Variants in NAALADL2 observed in about 807,000 individuals in gnomAD.
The protein encoded by NAALADL2 is inactive N-acetylated-alpha-linked acidic dipeptidase-like protein 2.
In NAALADL2, 76 loss-of-function variants were observed where a neutral mutation model predicts 87.2. That is an observed-to-expected ratio of 0.87 (90% CI 0.72 to 1.05). The LOEUF is 1.05. Among genes scored for constraint, NAALADL2 ranks in the 50% least tolerant of loss-of-function variants. The pLI, the probability that NAALADL2 is intolerant of heterozygous loss-of-function variation, is 0.00. For missense variants in NAALADL2, 1,089 were observed against 945.8 expected, an observed-to-expected ratio of 1.15 and a Z score of -1.99; for synonymous variants, 354 against 331.0, an observed-to-expected ratio of 1.07 and a Z score of -0.75.
intron 1 of NAALADL2, among the ~76,000 whole-genome samples, chr3:175,031,477 C>A (rs146559740): frequency 1.3e-5 from 2 of 152,182 alleles, no homozygotes; most frequent in Non-Finnish European, 2.9e-5. Flanking sequence ...GCGTAGTATT[C>A]CATGGTGTAT....
intron 5 of NAALADL2, among the ~76,000 whole-genome samples, chr3:175,330,044 G>A (rs1316487143): frequency 6.6e-6 from 1 of 151,910 alleles, no homozygotes; most frequent in Non-Finnish European, 1.5e-5. Context: ...TGTATTGGAA[G>A]CACTCTACTT....
chr3:174,953,888 A>G (rs974784312), intron 1 of NAALADL2, among the ~76,000 whole-genome samples: 3 of 152,160 alleles, frequency 2.0e-5, no homozygotes, highest in African/African-American at 7.2e-5. Flanking sequence ...AACACACATG[A>G]CATACACTCC....
At chr3:175,326,905 G>T (rs1037074899) in intron 5 of NAALADL2, among the ~76,000 whole-genome samples, 3 of 152,082 alleles carry the variant, frequency 2.0e-5, no homozygotes, top group African/African-American at 7.2e-5. Context: ...CATGAGCTGT[G>T]GGGTACACAT....
chr3:175,138,622 ATTG>A (rs1348776362), intron 2 of NAALADL2, among the ~76,000 whole-genome samples: 2 of 148,656 alleles, frequency 1.3e-5, no homozygotes, highest in African/African-American at 4.9e-5. Flanking sequence ...TATTATTATT[ATTG>A]TTATTATTAT....
At chr3:174,576,986 A>T (rs753068700) in intron 2 of NAALADL2, among the ~76,000 whole-genome samples, 1 of 152,098 alleles carries the variant, frequency 6.6e-6, no homozygotes, top group African/African-American at 2.4e-5. Context: ...TAAACGAGAG[A>T]TATTTTCAAT....
chr3:174,674,700 TA>T (rs1220428860), intron 2 of NAALADL2, among the ~76,000 whole-genome samples: 1 of 152,088 alleles, frequency 6.6e-6, no homozygotes, highest in Admixed American at 6.6e-5. Context: ...AAACAGGGTC[TA>T]TTTTTTTACA....
rs536616458 is a variant in NAALADL2, at chr3:175,564,548, G to GATA, written c.1654-11492_1654-11491insTAA. ...AAAATAGCATTGCCTGTGAGCCTAA[G>GATA]AGAAGCTATTTAAGATAAACCTCAA... On this transcript the variant is annotated intron_variant, in intron 9 of 13. Coordinates refer to ENST00000454872, the MANE Select transcript of NAALADL2 (RefSeq NM_207015.3). 2.6e-5 allele frequency among the ~76,000 whole-genome samples: 4 copies of GATA among 152,244 alleles called. No individual in the cohort carries two copies. The South Asian group carries it at 6.2e-4, about 24-fold the overall frequency.
chr3:175,683,410 A>C (rs1582884006), intron 11 of NAALADL2, among the ~76,000 whole-genome samples: 1 of 152,094 alleles, frequency 6.6e-6, no homozygotes, highest in African/African-American at 2.4e-5. Context: ...TGGTTCTTTC[A>C]AATTAAAACT....
chr3:175,733,703 G>A (rs1410997186), intron 11 of NAALADL2, among the ~76,000 whole-genome samples: 1 of 152,168 alleles, frequency 6.6e-6, no homozygotes, highest in Non-Finnish European at 1.5e-5. Context: ...GACAAGGCAA[G>A]TCCTTTCCAC....
intron 4 of NAALADL2, among the ~76,000 whole-genome samples, chr3:175,301,083 C>T (rs1342460719): frequency 2.0e-5 from 3 of 151,976 alleles, no homozygotes; most frequent in Admixed American, 2.0e-4. Flanking sequence ...AAGGGTTTTT[C>T]GTGTCTCTGT....
chr3:175,119,398 A>G (rs114732289), intron 2 of NAALADL2, among the ~76,000 whole-genome samples: 3,105 of 151,730 alleles, frequency 0.02, 52 homozygotes, highest in Admixed American at 0.031. Flanking sequence ...TTCCAGGTAT[A>G]TGGTCTAAAG....
chr3:175,279,149 G>C (rs1753961987), intron 4 of NAALADL2, among the ~76,000 whole-genome samples: 2 of 152,134 alleles, frequency 1.3e-5, no homozygotes, highest in South Asian at 4.1e-4. Context: ...CTCCCTACAA[G>C]TAATGCGCCT....
At chr3:174,733,126 T>A (rs1035596551) in intron 2 of NAALADL2, among the ~76,000 whole-genome samples, 1 of 152,206 alleles carries the variant, frequency 6.6e-6, no homozygotes, top group African/African-American at 2.4e-5. Flanking sequence ...TATTATGAAA[T>A]ATCAAGTGGG....
intron 3 of NAALADL2, among the ~76,000 whole-genome samples, chr3:174,794,413 G>A (rs149606415): frequency 2.2e-4 from 33 of 152,020 alleles, no homozygotes; most frequent in East Asian, 5.8e-4. Flanking sequence ...CATTCTAGGC[G>A]TATTAATGAA....
chr3:175,682,582 G>A (rs553220928), intron 11 of NAALADL2, among the ~76,000 whole-genome samples: 13 of 151,526 alleles, frequency 8.6e-5, no homozygotes, highest in African/African-American at 3.2e-4. Context: ...AGAGAATTGA[G>A]ACAATGGCAG....
intron 1 of NAALADL2, among the ~76,000 whole-genome samples, chr3:174,453,513 TAGAG>T (rs2108276953): frequency 6.6e-6 from 1 of 152,210 alleles, no homozygotes; most frequent in East Asian, 1.9e-4. Context: ...TAAAGGCAGC[TAGAG>T]AGAAAGGTCA....
At chr3:174,881,392 A>G (rs1459819465) in intron 1 of NAALADL2, among the ~76,000 whole-genome samples, 1 of 152,114 alleles carries the variant, frequency 6.6e-6, no homozygotes. Context: ...AAAACATATT[A>G]CACAATAGCC....
At chr3:174,848,622 A>G (rs978452891) in intron 3 of NAALADL2, among the ~76,000 whole-genome samples, 1 of 152,108 alleles carries the variant, frequency 6.6e-6, no homozygotes, top group Non-Finnish European at 1.5e-5. Context: ...TAATTTTTAT[A>G]ATTATGTCAG....
At chr3:175,356,227 A>T (rs1010734087) in intron 5 of NAALADL2, among the ~76,000 whole-genome samples, 18 of 152,014 alleles carry the variant, frequency 1.2e-4, no homozygotes, top group African/African-American at 4.3e-4. Context: ...GTTCAACAGA[A>T]CTCTTTAGAA....
Sources: gnomAD v4.1 joint callset for allele counts (sites outside exome capture counted in the v4.1 genomes callset) on GRCh38, gnomAD v4.1.1 for gene constraint, MANE v1.5 for transcripts, NCBI Gene and HGNC (gene_info 2026-07-23, HGNC 2026-07-21) for gene names.